PCDH9: variants seen among roughly 807,000 people sequenced by gnomAD.
The protein encoded by PCDH9 is protocadherin 9, also known as protocadherin-9.
A neutral mutation model predicts 70.6 loss-of-function variants in PCDH9; 24 were observed. The ratio of observed to expected loss-of-function variants is 0.34; its 90% CI spans 0.25 to 0.48. PCDH9 has a LOEUF of 0.48. Among genes scored for constraint, PCDH9 ranks in the 20% least tolerant of loss-of-function variants. The pLI, the probability that PCDH9 is intolerant of heterozygous loss-of-function variation, is 0.99. For synonymous variants in PCDH9, 562 were observed against 558.5 expected (o/e 1.01, Z -0.09); for missense variants, 1,281 against 1,503.6 (o/e 0.85, Z 2.45).
intron 4 of PCDH9, among the ~76,000 whole-genome samples, chr13:66,478,046 G>A (rs1264361651): frequency 6.6e-6 from 1 of 152,086 alleles, no homozygotes; most frequent in Non-Finnish European, 1.5e-5. Context: ...TCTGCAGCAG[G>A]ATGTGCTTAC....
chr13:66,923,839 C>T (rs140015880), intron 2 of PCDH9, among the ~76,000 whole-genome samples: 40 of 151,792 alleles, frequency 2.6e-4, no homozygotes, highest in African/African-American at 8.4e-4. Flanking sequence ...TAATGCATCT[C>T]CACAATTATT....
At chr13:66,351,620 G>A (rs532871694) in intron 4 of PCDH9, among the ~76,000 whole-genome samples, 2 of 151,866 alleles carry the variant, frequency 1.3e-5, no homozygotes, top group South Asian at 2.1e-4. Context: ...CCTTATTTAA[G>A]TTTCAAAATA....
intron 2 of PCDH9, among the ~76,000 whole-genome samples, chr13:66,952,807 T>C (rs1376922014): frequency 6.6e-6 from 1 of 152,018 alleles, no homozygotes; most frequent in Non-Finnish European, 1.5e-5. Context: ...GGCACGGAAC[T>C]TAGGTTCTTA....
intron 2 of PCDH9, among the ~76,000 whole-genome samples, chr13:67,009,829 A>G (rs2084420720): frequency 6.6e-6 from 1 of 152,010 alleles, no homozygotes; most frequent in South Asian, 2.1e-4. Flanking sequence ...TAAATACAAT[A>G]TAGTTATTAT....
chr13:66,564,506 A>T (rs988618226), intron 4 of PCDH9, among the ~76,000 whole-genome samples: 1 of 151,972 alleles, frequency 6.6e-6, no homozygotes, highest in Non-Finnish European at 1.5e-5. Context: ...AAATTTAATA[A>T]TTTTTTTTAA....
intron 4 of PCDH9, among the ~76,000 whole-genome samples, chr13:66,420,548 G>A: frequency 6.6e-6 from 1 of 152,184 alleles, no homozygotes; most frequent in South Asian, 2.1e-4. Context: ...AACAAGGCAT[G>A]GAGTGGACCC....
intron 2 of PCDH9, among the ~76,000 whole-genome samples, chr13:67,026,134 T>A (rs770920592): frequency 6.6e-6 from 1 of 152,194 alleles, no homozygotes; most frequent in Non-Finnish European, 1.5e-5. Context: ...TCTGTTTATA[T>A]GCTGGATTAC....
chr13:67,226,865 C>A lies in PCDH9; in HGVS notation c.1576G>T (p.Ala526Ser). The A allele has an allele frequency of 1.9e-6, 3 of 1,614,176 alleles. No individual in the cohort carries two copies. The highest frequency in any genetic ancestry group is 2.5e-6 in the Non-Finnish European group (3 of 1,180,030). Residue 526 changes from alanine (A) to serine (S), a missense_variant, in exon 2 of 5, where the codon GCC (alanine) becomes TCC (serine). Around this residue, in one of 4 missense-constraint regions of PCDH9, gnomAD observed 798 missense variants for 1,003.1 expected, o/e 0.80. Coordinates refer to ENST00000377865, the MANE Select transcript of PCDH9 (RefSeq NM_203487.3). The surrounding 1 kb of genome is among the most constrained non-coding windows in gnomAD (Gnocchi z 5.0). ...TCTTCTCTGTCAAATACTCTGGAGGCTGTCAAAACTCCTGTTTTTCGGTCC... is the reference window on the plus strand; with the variant it reads ...TCTTCTCTGTCAAATACTCTGGAGGATGTCAAAACTCCTGTTTTTCGGTCC... The part of the protein sequence containing the change: ...DLDRKTGVLT[A>S]SRVFDREEQE...
At chr13:66,658,027 A>G (rs948049059) in intron 3 of PCDH9, among the ~76,000 whole-genome samples, 1 of 152,204 alleles carries the variant, frequency 6.6e-6, no homozygotes, top group African/African-American at 2.4e-5. Flanking sequence ...GGGTATAAGA[A>G]ATCTAGAGAT....
intron 2 of PCDH9, among the ~76,000 whole-genome samples, chr13:67,151,990 C>A (rs1194368540): frequency 6.6e-6 from 1 of 152,126 alleles, no homozygotes; most frequent in East Asian, 1.9e-4. Context: ...GATACTTTCT[C>A]ATCTCATAAA....
intron 4 of PCDH9, among the ~76,000 whole-genome samples, chr13:66,537,361 TC>T (rs1254959471): frequency 2.0e-5 from 3 of 152,102 alleles, no homozygotes; most frequent in Non-Finnish European, 4.4e-5. Context: ...AGCATATATT[TC>T]ACATAATTGG....
intron 2 of PCDH9, among the ~76,000 whole-genome samples, chr13:67,080,440 T>C (rs2085961279): frequency 6.6e-6 from 1 of 152,194 alleles, no homozygotes; most frequent in Admixed American, 6.5e-5. Context: ...AATGGTTAGT[T>C]GGATCAAAAT....
chr13:66,693,611 T>C (rs2078518609), intron 3 of PCDH9, among the ~76,000 whole-genome samples: 1 of 152,180 alleles, frequency 6.6e-6, no homozygotes, highest in Non-Finnish European at 1.5e-5. Flanking sequence ...CCAGGTTCCC[T>C]AGAATTTTGT....
chr13:66,993,606 C>A (rs1748767223), intron 2 of PCDH9, among the ~76,000 whole-genome samples: 1 of 152,150 alleles, frequency 6.6e-6, no homozygotes, highest in South Asian at 2.1e-4. Context: ...TTTACTTTAT[C>A]CTCCTCATAC....
chr13:66,905,880 C>T (rs1024405721), intron 2 of PCDH9, among the ~76,000 whole-genome samples: 1 of 152,132 alleles, frequency 6.6e-6, no homozygotes. Context: ...CCTGTAAAAG[C>T]AGGACAAGTG....
chr13:66,497,625 T>A (rs1251236848), intron 4 of PCDH9, among the ~76,000 whole-genome samples: 1 of 152,126 alleles, frequency 6.6e-6, no homozygotes, highest in Admixed American at 6.6e-5. Context: ...TACATTTTAA[T>A]GATGAGAAAT....
intron 2 of PCDH9, chr13:67,208,666 T>C (rs1316993817): frequency 6.6e-6 from 1 of 152,090 alleles, no homozygotes; most frequent in Non-Finnish European, 1.5e-5. Context: ...TAAGAAAGAA[T>C]TGGCTGAAAA....
At chr13:66,582,750 G>A (rs1330757775) in intron 4 of PCDH9, among the ~76,000 whole-genome samples, 1 of 152,144 alleles carries the variant, frequency 6.6e-6, no homozygotes, top group African/African-American at 2.4e-5. Flanking sequence ...ATCCTTGTGT[G>A]AACTCCTACA....
At chr13:67,018,704 A>T (rs1347519689) in intron 2 of PCDH9, among the ~76,000 whole-genome samples, 1 of 152,112 alleles carries the variant, frequency 6.6e-6, no homozygotes, top group African/African-American at 2.4e-5. Flanking sequence ...CGAGGCTCCC[A>T]GAAAGAAACA....
Sources: gnomAD v4.1 joint callset for allele counts (sites outside exome capture counted in the v4.1 genomes callset) on GRCh38, gnomAD v4.1.1 for gene constraint, gnomAD v4.1.1 regional missense constraint, Gnocchi (gnomAD v3.1) non-coding constraint, MANE v1.5 for transcripts, NCBI Gene and HGNC (gene_info 2026-07-23, HGNC 2026-07-21) for gene names.